The following RMDN1 variants were observed in gnomAD, a reference collection of about 807,000 sequenced individuals.
The protein encoded by RMDN1 is regulator of microtubule dynamics 1, also known as regulator of microtubule dynamics protein 1.
Under a neutral mutation model 48.9 loss-of-function variants are expected in RMDN1, and 48 were observed. The ratio of observed to expected loss-of-function variants is 0.98; its 90% CI spans 0.78 to 1.25. The LOEUF is 1.25. RMDN1 is among the 50% of genes most tolerant of loss of function. The probability of loss-of-function intolerance (pLI) is 0.00; values close to 1 mark genes in which losing one functional copy is unlikely to be tolerated. For synonymous variants in RMDN1, 148 were observed against 132.6 expected, an observed-to-expected ratio of 1.12 and a Z score of -0.80; for missense variants, 418 against 373.4, an observed-to-expected ratio of 1.12 and a Z score of -0.98.
intron 2 of RMDN1, chr8:86,504,117 T>C: frequency 8.9e-7 from 1 of 1,122,042 alleles, no homozygotes. Flanking sequence ...AATTCATCCT[T>C]GGGTCTGAAG....
intron 6 of RMDN1, among the ~76,000 whole-genome samples, chr8:86,479,399 T>C (rs1392204981): frequency 6.6e-6 from 1 of 152,162 alleles, no homozygotes; most frequent in African/African-American, 2.4e-5. Flanking sequence ...ATGACAAAGC[T>C]AAACATCAAA....
At position 86,474,307 on chromosome 8, in the gene RMDN1, C is replaced by T. The variant is rs757201432; in HGVS notation, c.*1G>A. ...TTTCATAAATCTTCTCTGAAAAGTT[C>T]TCAATTCTTCTCACTGAAACTTGTA... is the stretch of plus-strand genomic sequence containing the variant. On this transcript the variant is annotated 3_prime_UTR_variant, in exon 10 of 10. Transcript: ENST00000406452. 24 of 1,613,338 alleles carry T rather than the reference C, an allele frequency of 1.5e-5. No homozygotes were observed. Among genetic ancestry groups the T allele is most frequent in the Admixed American group, 5.0e-5 (3 of 59,942 alleles).
chr8:86,472,567 G>A lies in RMDN1; in HGVS notation c.*1741C>T, dbSNP rs749404728. 7.3e-6 allele frequency: 5 copies of A among 685,962 alleles called. No individual in the cohort carries two copies. Among genetic ancestry groups the A allele is most frequent in the African/African-American group, 5.3e-5 (3 of 56,432 alleles). The allele number at this position is 685,962 out of a possible 1,614,324, so 42.5% of individuals were successfully genotyped here. On this transcript the variant is annotated 3_prime_UTR_variant, in exon 10 of 10. Transcript: ENST00000406452. ...CTGAAAGCCTGCCATTGTTGTTGCC[G>A]TTTAACAGCTGATACAGGTTTCTGG...
chr8:86,471,200 A>AT (rs1254860891), downstream of RMDN1, among the ~76,000 whole-genome samples: 4 of 146,586 alleles, frequency 2.7e-5, no homozygotes, highest in African/African-American at 1.0e-4. Flanking sequence ...AAGTAAAAAT[A>AT]TTTTTTAAAG....
intron 2 of RMDN1, chr8:86,503,820 G>T: frequency 1.8e-6 from 1 of 545,996 alleles, no homozygotes; most frequent in Non-Finnish European, 3.5e-6. Context: ...TTTTCCGTTA[G>T]ACTCTTTATC....
At position 86,474,219 on chromosome 8, in the gene RMDN1, T is replaced by TAG. The variant is rs1480672577; in HGVS notation, c.*87_*88dup. ...AATGGTCACAACATTTAAAAAGCCGTAGAACAGTTATAGTTCATATATTAA... is the reference window on the plus strand; with the variant it reads ...AATGGTCACAACATTTAAAAAGCCGTAGAGAACAGTTATAGTTCATATATTAA... On this transcript the variant is annotated 3_prime_UTR_variant, in exon 10 of 10. Transcript: ENST00000406452. 3.2e-6 allele frequency: 5 copies of TAG among 1,568,032 alleles called. No individual in the cohort carries two copies. The African/African-American group carries it at 6.9e-5, about 22-fold the overall frequency.
At position 86,503,385 on chromosome 8, in the gene RMDN1, A is replaced by AAAAAAAC. The variant is rs1554594088; in HGVS notation, c.247+3609_247+3610insGTTTTTT. ...ACAAAACAAAACAAAAAAAAAAAAA[A>AAAAAAAC]AAAACAAAAAAAAATAACAAAAATA... On this transcript the variant is annotated intron_variant, in intron 2 of 9. Coordinates refer to ENST00000406452, the MANE Select transcript of RMDN1 (RefSeq NM_016033.3). Among the ~76,000 whole-genome samples the AAAAAAAC allele has an allele frequency of 2.9e-3, 236 of 81,020 alleles. 4 individuals are homozygous for AAAAAAAC. The highest frequency in any genetic ancestry group is 0.015 in the African/African-American group (226 of 14,598). The allele number at this position is 81,020 out of a possible 152,430, so 53.2% of individuals were successfully genotyped here. A position where few individuals can be genotyped will look rare whatever the true frequency, so the allele number is the denominator to read the frequency against.
chr8:86,478,803 T>C (rs866078585), intron 7 of RMDN1, 120 bp downstream of exon 7: 1 of 787,812 alleles, frequency 1.3e-6, no homozygotes, highest in Non-Finnish European at 2.2e-6. Context: ...ACAGTTGAAT[T>C]GGATCATTAG....
At chr8:86,477,576 AC>A (rs1813594930) in intron 7 of RMDN1, 1 of 352,810 alleles carries the variant, frequency 2.8e-6, no homozygotes, top group Non-Finnish European at 5.1e-6. Flanking sequence ...TACCAAACTA[AC>A]ATCATGTGCA....
At position 86,474,962 on chromosome 8, in the gene RMDN1, A is replaced by G. The variant is rs1401496540; in HGVS notation, c.761-9T>C. The G allele has an allele frequency of 4.4e-6, 7 of 1,582,446 alleles. No individual in the cohort carries two copies. Among genetic ancestry groups the G allele is most frequent in the Non-Finnish European group, 5.1e-6 (6 of 1,170,314 alleles). On this transcript the variant is annotated splice_polypyrimidine_tract_variant and intron_variant, in intron 8 of 9. Transcript: ENST00000406452. ...GTAGAAGTTTGGATCCACTGCACAT[A>G]AGAAAGAAAAAATGATCTCAGAGGA...
chr8:86,507,010 G>T lies in RMDN1; in HGVS notation c.232C>A (p.His78Asn). Residue 78 changes from histidine to asparagine, a missense_variant, in exon 2 of 10, where the codon CAT (histidine) becomes AAT (asparagine). Coordinates refer to ENST00000406452, the MANE Select transcript of RMDN1 (RefSeq NM_016033.3). ...TTATGCTTACCTTTGGCTGTGGCAT[G>T]AACCACAGCAGCCTGAGAGATAACC... ...YQVISQAAVV[H>N]ATAKVEEILE... 2 of 1,594,302 alleles carry T rather than the reference G, an allele frequency of 1.3e-6. No homozygotes were observed. The highest frequency in any genetic ancestry group is 2.2e-5 in the South Asian group (2 of 90,616).
Position 86,480,440 on chromosome 8 carries a change from T to G in RMDN1, c.586-108A>C, listed in dbSNP as rs545085212. On this transcript the variant is annotated intron_variant, in intron 5 of 9. Coordinates refer to ENST00000406452, the MANE Select transcript of RMDN1 (RefSeq NM_016033.3). Reference sequence around the variant, plus strand: ...ATTTTTTAAAAAATGCAACTGTGTGTTTCAGTTCTCCCATTATAATATCAA... The same window carrying G: ...ATTTTTTAAAAAATGCAACTGTGTGGTTCAGTTCTCCCATTATAATATCAA... 2.2e-5 allele frequency: 12 copies of G among 547,298 alleles called. No homozygotes were observed. The East Asian group carries it at 3.3e-4, about 15-fold the overall frequency. 33.9% of individuals were successfully genotyped at this position (547,298 alleles called of 1,614,324 possible).
downstream of RMDN1, among the ~76,000 whole-genome samples, chr8:86,471,417 T>A (rs993601353): frequency 1.3e-5 from 2 of 151,880 alleles, no homozygotes; most frequent in South Asian, 2.1e-4. Flanking sequence ...TAAAGAGAAA[T>A]TGAAAATGAG....
intron 2 of RMDN1, among the ~76,000 whole-genome samples, chr8:86,490,415 T>G (rs926460652): frequency 6.6e-6 from 1 of 151,642 alleles, no homozygotes; most frequent in Non-Finnish European, 1.5e-5. Flanking sequence ...AGAGAAGGAG[T>G]GTCAATGGAA....
intron 5 of RMDN1, chr8:86,482,010 C>T (rs924859294): frequency 1.8e-5 from 15 of 821,418 alleles, no homozygotes; most frequent in Non-Finnish European, 1.4e-5. Context: ...CAGTCCTATA[C>T]GAAGTTGTTC....
chr8:86,479,326 G>A (rs563009124), intron 6 of RMDN1, among the ~76,000 whole-genome samples: 2 of 152,104 alleles, frequency 1.3e-5, no homozygotes, highest in Non-Finnish European at 2.9e-5. Context: ...ATATGAGATA[G>A]GATAATTTCC....
At chr8:86,495,607 C>T (rs943058553) in intron 2 of RMDN1, among the ~76,000 whole-genome samples, 1 of 152,118 alleles carries the variant, frequency 6.6e-6, no homozygotes, top group Non-Finnish European at 1.5e-5. Context: ...GCCAGCCTCT[C>T]CCAGGGTCCC....
chr8:86,506,976 A>G lies in RMDN1; in HGVS notation c.247+19T>C, dbSNP rs781464410. 3.0e-6 allele frequency: 4 copies of G among 1,311,596 alleles called. No homozygotes were observed. The highest frequency in any genetic ancestry group is 2.4e-5 in the South Asian group (2 of 82,396). The allele number at this position is 1,311,596 out of a possible 1,614,324, so 81.2% of individuals were successfully genotyped here. On this transcript the variant is annotated intron_variant, in intron 2 of 9. Coordinates refer to ENST00000406452, the MANE Select transcript of RMDN1 (RefSeq NM_016033.3). ...CACAAAAAAACTCTAAATGTTCCAT[A>G]TATCTAATTTATGCTTACCTTTGGC...
intron 6 of RMDN1, among the ~76,000 whole-genome samples, chr8:86,479,435 T>G (rs1407213076): frequency 6.6e-6 from 1 of 152,098 alleles, no homozygotes; most frequent in Non-Finnish European, 1.5e-5. Flanking sequence ...AACCAACAAC[T>G]TAAATCTATT....
Sources: allele counts gnomAD v4.1 joint callset (sites outside exome capture counted in the v4.1 genomes callset), GRCh38; gene constraint gnomAD v4.1.1; transcripts MANE v1.5; gene names NCBI Gene and HGNC (gene_info 2026-07-23, HGNC 2026-07-21).